CDH23: variants seen among roughly 807,000 people sequenced by gnomAD.
CDH23 encodes the protein cadherin related 23.
Under a neutral mutation model 317.1 loss-of-function variants are expected in CDH23, and 189 were observed. The ratio of observed to expected loss-of-function variants is 0.60; its 90% CI spans 0.53 to 0.67. CDH23 has a LOEUF of 0.67. Ranked by LOEUF, CDH23 falls within the 30% of genes least tolerant of loss-of-function variation. The pLI is 0.00. For synonymous variants in CDH23, 1,839 were observed against 1,876.8 expected (o/e 0.98, Z 0.52); for missense variants, 4,401 against 4,592.4 (o/e 0.96, Z 1.20).
At chr10:71,491,942 C>T (rs936861835) in intron 3 of CDH23, among the ~76,000 whole-genome samples, 1 of 152,136 alleles carries the variant, frequency 6.6e-6, no homozygotes, top group Non-Finnish European at 1.5e-5. Context: ...TGCCAGCAAC[C>T]CAGGGAGGTC....
At chr10:71,807,256 G>A in intron 57 of CDH23, 21 bp from the exon 58 acceptor site, 1 of 1,610,584 alleles carries the variant, frequency 6.2e-7, no homozygotes, top group South Asian at 1.1e-5. Flanking sequence ...CCCATGTGAT[G>A]ACATCCCCCT....
At chr10:71,767,862 A>G (rs1353237451) in intron 38 of CDH23, among the ~76,000 whole-genome samples, 2 of 152,216 alleles carry the variant, frequency 1.3e-5, no homozygotes, top group Non-Finnish European at 2.9e-5. Flanking sequence ...CACTTCCAGC[A>G]CCTTGGGAAA....
chr10:71,810,596 T>C, intron 62 of CDH23, 27 bp downstream of exon 62: 1 of 1,606,370 alleles, frequency 6.2e-7, no homozygotes, highest in East Asian at 2.2e-5. Context: ...GTTTGGACTG[T>C]CAGCCTGTCT....
At chr10:71,753,904 T>G (rs1840068189) in intron 38 of CDH23, 1 of 456,214 alleles carries the variant, frequency 2.2e-6, no homozygotes, top group Non-Finnish European at 4.4e-6. Flanking sequence ...CACACGGGTA[T>G]TCCCTCATCT....
intron 3 of CDH23, among the ~76,000 whole-genome samples, chr10:71,496,335 ATT>A (rs59975648): frequency 0.46 from 68,428 of 149,100 alleles, 15,652 homozygotes; most frequent in Non-Finnish European, 0.48. Context: ...AAAGCAAAAC[ATT>A]TTTTTTTTTT....
At chr10:71,669,377 G>A (rs577417139) in intron 14 of CDH23, among the ~76,000 whole-genome samples, 20 of 151,982 alleles carry the variant, frequency 1.3e-4, no homozygotes, top group Middle Eastern at 6.8e-3. Flanking sequence ...TGTTTTCCTC[G>A]TAGTTCTTAC....
intron 3 of CDH23, among the ~76,000 whole-genome samples, chr10:71,488,625 G>A (rs1211334961): frequency 6.6e-6 from 1 of 152,144 alleles, no homozygotes; most frequent in African/African-American, 2.4e-5. Flanking sequence ...AATGTTTCTT[G>A]CAAACATGAA....
chr10:71,402,745 G>GTGCA lies in CDH23; in HGVS notation c.-6+5427_-6+5428insTGCA, dbSNP rs1554820918. 2.1e-3 allele frequency among the ~76,000 whole-genome samples: 309 copies of GTGCA among 147,132 alleles called. 32 individuals carry two copies. The highest frequency in any genetic ancestry group is 1.0e-2 in the South Asian group (45 of 4,518). On this transcript the variant is annotated intron_variant, in intron 1 of 69. Transcript: ENST00000224721. ...TGTGTGTGTGTGTGTGTGTGTGTGT[G>GTGCA]CACGCGCGCGCGCGCACATGCGCGT...
rs1399609627 is a variant in CDH23 at position 71,413,715 on chromosome 10, T to TC, written c.-6+16397_-6+16398insC. 3.9e-5 allele frequency among the ~76,000 whole-genome samples: 6 copies of TC among 152,174 alleles called. No homozygotes were observed. The East Asian group carries it at 1.2e-3, about 29-fold the overall frequency. On this transcript the variant is annotated intron_variant, in intron 1 of 69. Transcript: ENST00000224721. ...TTCTTTTCCTTAAAATTGTTTTTTT[T>TC]AGAGATGAGGTCTCACTATGTTGCT...
At chr10:71,615,692 G>A (rs1446921245) in intron 10 of CDH23, 76 bp downstream of exon 10, 19 of 1,022,988 alleles carry the variant, frequency 1.9e-5, no homozygotes, top group East Asian at 7.5e-5. Flanking sequence ...AGCAGTGTCC[G>A]AGGGCTCCTG....
Position 71,785,048 on chromosome 10 carries a change from C to A in CDH23, c.5660C>A (p.Thr1887Asn). The change falls in exon 43 of 70, where the codon ACC becomes AAC. Residue 1887 changes from threonine (T) to asparagine (N), a missense_variant. Thr to Asn is a moderately conservative substitution (Grantham distance 65). This residue lies in a region of CDH23 where 3,068 missense variants were observed against 3,203.3 expected (regional missense o/e 0.96). Transcript: ENST00000224721. ...GACAGTGGCTGCAATGCACGCCTCACCTTCAACATCACTGCGGGCAACCGC... is the reference window on the plus strand; with the variant it reads ...GACAGTGGCTGCAATGCACGCCTCAACTTCAACATCACTGCGGGCAACCGC... ...DADSGCNARL[T>N]FNITAGNRER... 3 of 1,614,108 alleles carry A rather than the reference C, an allele frequency of 1.9e-6. No homozygotes were observed. Among genetic ancestry groups the A allele is most frequent in the Non-Finnish European group, 1.7e-6 (2 of 1,179,910 alleles).
intron 3 of CDH23, among the ~76,000 whole-genome samples, chr10:71,481,231 C>T (rs566980284): frequency 4.6e-5 from 7 of 152,258 alleles, no homozygotes; most frequent in South Asian, 2.1e-4. Flanking sequence ...GCACAGTCAC[C>T]GGCACCCTGC....
intron 1 of CDH23, among the ~76,000 whole-genome samples, chr10:71,429,258 C>T (rs559517043): frequency 1.1e-4 from 17 of 152,282 alleles, no homozygotes; most frequent in Non-Finnish European, 2.4e-4. Flanking sequence ...CTAGGCTGGA[C>T]GTGACTGAGC....
At chr10:71,453,918 T>C (rs1850567034) in intron 3 of CDH23, among the ~76,000 whole-genome samples, 1 of 152,166 alleles carries the variant, frequency 6.6e-6, no homozygotes, top group Non-Finnish European at 1.5e-5. Context: ...TATAGCCTGA[T>C]AGATATCAGC....
At chr10:71,495,016 G>A (rs2132151157) in intron 3 of CDH23, among the ~76,000 whole-genome samples, 1 of 152,194 alleles carries the variant, frequency 6.6e-6, no homozygotes, top group African/African-American at 2.4e-5. Flanking sequence ...GCCTTCGGAG[G>A]GTGGGAACCA....
At chr10:71,693,692 G>T (rs1173423801) in intron 20 of CDH23, among the ~76,000 whole-genome samples, 1 of 152,212 alleles carries the variant, frequency 6.6e-6, no homozygotes, top group East Asian at 1.9e-4. Flanking sequence ...CTATGAGGTA[G>T]TTCCTATTAT....
chr10:71,604,340 C>T (rs1399541757), intron 9 of CDH23, among the ~76,000 whole-genome samples: 5 of 152,190 alleles, frequency 3.3e-5, no homozygotes, highest in African/African-American at 1.2e-4. Context: ...TGACGATGCC[C>T]TCACAGGAGG....
chr10:71,493,059 T>C (rs1852754130), intron 3 of CDH23, among the ~76,000 whole-genome samples: 1 of 152,142 alleles, frequency 6.6e-6, no homozygotes, highest in Non-Finnish European at 1.5e-5. Flanking sequence ...TGCTGAGCCA[T>C]AGTTTCCTCA....
intron 6 of CDH23, among the ~76,000 whole-genome samples, chr10:71,516,535 A>G (rs1267290357): frequency 6.6e-6 from 1 of 152,252 alleles, no homozygotes; most frequent in Non-Finnish European, 1.5e-5. Flanking sequence ...GCCATTTGTC[A>G]ATGAAATCAA....
Sources: allele counts gnomAD v4.1 joint callset (sites outside exome capture counted in the v4.1 genomes callset), GRCh38; gene constraint gnomAD v4.1.1; regional missense constraint gnomAD v4.1.1; transcripts MANE v1.5; gene names NCBI Gene and HGNC (gene_info 2026-07-23, HGNC 2026-07-21).